Variants in CEP70 observed in about 807,000 individuals in gnomAD.
The protein encoded by CEP70 is centrosomal protein 70, also known as centrosomal protein of 70 kDa.
CEP70 carries 70 observed loss-of-function variants against 90.9 expected under a neutral mutation model. That is an observed-to-expected ratio of 0.77 (90% CI 0.64 to 0.94). The LOEUF (loss-of-function observed/expected upper bound fraction) is 0.94, where lower values mean the gene tolerates loss of function less well. Ranked by LOEUF, CEP70 falls within the 40% of genes least tolerant of loss-of-function variation. CEP70 has a pLI of 0.00. For missense variants in CEP70, 648 were observed against 669.0 expected, an observed-to-expected ratio of 0.97 and a Z score of 0.35; for synonymous variants, 220 against 228.3, an observed-to-expected ratio of 0.96 and a Z score of 0.33.
At chr3:138,526,106 T>C (rs764455053) in intron 10 of CEP70, among the ~76,000 whole-genome samples, 1 of 152,180 alleles carries the variant, frequency 6.6e-6, no homozygotes, top group Non-Finnish European at 1.5e-5. Context: ...TTTATATAAA[T>C]GGCTTATGCT....
chr3:138,555,375 T>C (rs887793029), intron 6 of CEP70, among the ~76,000 whole-genome samples: 1 of 152,008 alleles, frequency 6.6e-6, no homozygotes, highest in Non-Finnish European at 1.5e-5. Flanking sequence ...AGGCAAAGAT[T>C]TCATGACCAA....
chr3:138,525,557 G>T lies in CEP70; in HGVS notation c.877C>A (p.Gln293Lys), dbSNP rs747619395. The T allele has an allele frequency of 3.6e-6, 5 of 1,374,684 alleles. No homozygotes were observed. Among genetic ancestry groups the T allele is most frequent in the Non-Finnish European group, 3.8e-6 (4 of 1,047,784 alleles). The allele number at this position is 1,374,684 out of a possible 1,614,324, so 85.2% of individuals were successfully genotyped here. ...TGTTTATAAAGTCTTAATTCATGCT[G>T]CGTAGGCCTGTGGAAAATAAATAAT... Reference protein sequence around the residue: ...LQKDLETRPTQHELRLYKQQV... With the variant: ...LQKDLETRPTKHELRLYKQQV... The change falls in exon 11 of 18, where the codon CAG (glutamine) becomes AAG (lysine). Residue 293 changes from glutamine to lysine, a missense_variant. Coordinates refer to ENST00000264982, the MANE Select transcript of CEP70 (RefSeq NM_024491.4).
chr3:138,553,851 G>A (rs1298519281), intron 6 of CEP70, among the ~76,000 whole-genome samples: 6 of 152,008 alleles, frequency 3.9e-5, no homozygotes, highest in Non-Finnish European at 5.9e-5. Flanking sequence ...CATATAAACA[G>A]AATTAAAAAT....
chr3:138,529,350 T>A, intron 9 of CEP70, 25 bp downstream of exon 9: 1 of 1,572,792 alleles, frequency 6.4e-7, no homozygotes, highest in Non-Finnish European at 8.7e-7. Context: ...TTAAAAAGTA[T>A]TTATTAGTTA....
intron 10 of CEP70, among the ~76,000 whole-genome samples, chr3:138,526,538 T>A (rs2037270952): frequency 6.6e-6 from 1 of 152,210 alleles, no homozygotes; most frequent in Non-Finnish European, 1.5e-5. Flanking sequence ...AGTGTCTAAC[T>A]TACTATAGGT....
intron 7 of CEP70, among the ~76,000 whole-genome samples, chr3:138,535,256 T>A (rs2038166923): frequency 6.6e-6 from 1 of 152,190 alleles, no homozygotes; most frequent in African/African-American, 2.4e-5. Context: ...CTCTCACCTC[T>A]TCCTATTAAT....
Position 138,571,288 on chromosome 3 carries a change from T to A in CEP70, c.138A>T (p.Leu46=). The change falls in exon 4 of 18, where the codon CTA becomes CTT. Residue 46 remains leucine (L), a synonymous_variant. Coordinates refer to ENST00000264982, the MANE Select transcript of CEP70 (RefSeq NM_024491.4). ...TACCTTTGAGATCTGTTCTTTTGAC[T>A]AGAGACAAAGGTTTTAAGCCATGCA... The part of the protein sequence containing the change: ...LMMHGLKPLS[L]VKRTDLKDLI... 3.1e-6 allele frequency: 5 copies of A among 1,609,862 alleles called. No individual in the cohort carries two copies. The highest frequency in any genetic ancestry group is 3.4e-6 in the Non-Finnish European group (4 of 1,177,570).
chr3:138,496,715 T>C, intron 17 of CEP70: 1 of 985,424 alleles, frequency 1.0e-6, no homozygotes, highest in Non-Finnish European at 1.2e-6. Context: ...TTAAAAAAAC[T>C]GTCATGTTTG....
chr3:138,517,022 C>T (rs1045710238), intron 11 of CEP70, among the ~76,000 whole-genome samples: 2 of 152,200 alleles, frequency 1.3e-5, no homozygotes, highest in African/African-American at 4.8e-5. Context: ...ATATAAATGG[C>T]TCACTGCATT....
At chr3:138,508,405 T>A (rs757165696) in intron 12 of CEP70, 34 bp downstream of exon 12, 5 of 1,294,118 alleles carry the variant, frequency 3.9e-6, no homozygotes, top group Non-Finnish European at 5.6e-6. Context: ...ATGACAAACA[T>A]CAGTCTTTTT....
chr3:138,498,524 C>T (rs2034164227), intron 16 of CEP70, among the ~76,000 whole-genome samples: 1 of 151,254 alleles, frequency 6.6e-6, no homozygotes, highest in Non-Finnish European at 1.5e-5. Flanking sequence ...TTAGTAGAGA[C>T]GGGGTTTCAC....
In CEP70 at chr3:138,494,462, A is replaced by T. The variant is rs999001305; in HGVS notation, c.*553T>A. ...AGACTTCTATCTACTCATCCATTTT[A>T]CCCTATGATTCATTTCCTACCCTAA... On this transcript the variant is annotated 3_prime_UTR_variant, in exon 18 of 18. Transcript: ENST00000264982. 1 of 152,132 alleles carries T rather than the reference A, an allele frequency of 6.6e-6. No individual in the cohort carries two copies. The highest frequency in any genetic ancestry group is 6.5e-5 in the Admixed American group (1 of 15,276). The allele number at this position is 152,132 out of a possible 1,614,324, so 9.4% of individuals were successfully genotyped here. A position where few individuals can be genotyped will look rare whatever the true frequency, so the allele number is the denominator to read the frequency against.
chr3:138,587,775 C>T (rs895865650), intron 2 of CEP70, among the ~76,000 whole-genome samples: 1 of 151,934 alleles, frequency 6.6e-6, no homozygotes, highest in Non-Finnish European at 1.5e-5. Context: ...GACCCTATCT[C>T]TAAATTAATA....
At position 138,574,862 on chromosome 3, in the gene CEP70, A is replaced by C. The variant is rs187451997; in HGVS notation, c.-5-1930T>G. Among the ~76,000 whole-genome samples the C allele has an allele frequency of 5.9e-5, 9 of 152,328 alleles. No homozygotes were observed. In the East Asian group the frequency reaches 1.7e-3, roughly 29 times the overall value. ...CACAGACCTGCAGCTGAGGGACCTA[A>C]CTGTTAGAAGGAAAACTAACAAACA... On this transcript the variant is annotated intron_variant, in intron 2 of 17. Coordinates refer to ENST00000264982, the MANE Select transcript of CEP70 (RefSeq NM_024491.4).
chr3:138,563,192 C>A (rs1182967875), intron 6 of CEP70, among the ~76,000 whole-genome samples: 1 of 152,094 alleles, frequency 6.6e-6, no homozygotes, highest in Admixed American at 6.5e-5. Flanking sequence ...CACCCAGATT[C>A]ATAAAGTAAA....
rs1427432415 is a variant in CEP70, at chr3:138,500,049, G to A, written c.1652+61C>T. Reference sequence around the variant, plus strand: ...AGCCTCCCAAGTAGCTGGGACTACAGGCGTGTGCCACCACACCCAGCCATT... The same window carrying A: ...AGCCTCCCAAGTAGCTGGGACTACAAGCGTGTGCCACCACACCCAGCCATT... On this transcript the variant is annotated intron_variant, in intron 16 of 17. Coordinates refer to ENST00000264982, the MANE Select transcript of CEP70 (RefSeq NM_024491.4). The A allele has an allele frequency of 3.6e-6, 4 of 1,106,116 alleles. No homozygotes were observed. In the African/African-American group the frequency reaches 6.2e-5, roughly 17 times the overall value. 68.5% of individuals were successfully genotyped at this position (1,106,116 alleles called of 1,614,324 possible). A position where few individuals can be genotyped will look rare whatever the true frequency, so the allele number is the denominator to read the frequency against.
chr3:138,499,956 G>A (rs2034334745), intron 16 of CEP70, 154 bp downstream of exon 16: 2 of 594,910 alleles, frequency 3.4e-6, no homozygotes, highest in Non-Finnish European at 6.1e-6. Context: ...TTATTGTTTA[G>A]AGACAGGGTC....
At position 138,568,986 on chromosome 3, in the gene CEP70, AAAAC is replaced by A. The variant is rs1445872686; in HGVS notation, c.465+1328_465+1331del. ...GAAACAGAGTGAGACTCTGTCTAAA[AAAAC>A]AAACAAAAAAAAAACACAAAAAAAA... On this transcript the variant is annotated intron_variant, in intron 6 of 17. Coordinates refer to ENST00000264982, the MANE Select transcript of CEP70 (RefSeq NM_024491.4). Among the ~76,000 whole-genome samples the A allele has an allele frequency of 3.8e-3, 572 of 151,412 alleles. 5 individuals are homozygous for A. Among genetic ancestry groups the A allele is most frequent in the African/African-American group, 0.013 (549 of 40,796 alleles).
chr3:138,519,778 C>T (rs6794254), intron 11 of CEP70, among the ~76,000 whole-genome samples: 7,239 of 152,130 alleles, frequency 0.048, 555 homozygotes, highest in African/African-American at 0.16. Flanking sequence ...CATCAACTAA[C>T]GAGCAAAATA....
Sources: allele counts gnomAD v4.1 joint callset (sites outside exome capture counted in the v4.1 genomes callset), GRCh38; gene constraint gnomAD v4.1.1; transcripts MANE v1.5; gene names NCBI Gene and HGNC (gene_info 2026-07-23, HGNC 2026-07-21).